TTLL8: variants seen among roughly 807,000 people sequenced by gnomAD.
TTLL8 encodes protein monoglycylase TTLL8.
A neutral mutation model predicts 77.8 loss-of-function variants in TTLL8; 65 were observed. The ratio of observed to expected loss-of-function variants is 0.84; its 90% CI spans 0.68 to 1.03. TTLL8 has a LOEUF of 1.03. Among genes scored for constraint, TTLL8 ranks in the 50% least tolerant of loss-of-function variants. The pLI, the probability that TTLL8 is intolerant of heterozygous loss-of-function variation, is 0.00. For missense variants in TTLL8, 910 were observed against 1,004.5 expected (o/e 0.91, Z 1.27); for synonymous variants, 402 against 422.8 (o/e 0.95, Z 0.60).
intron 1 of TTLL8, among the ~76,000 whole-genome samples, chr22:50,051,361 T>A (rs141076077): frequency 6.6e-6 from 1 of 152,234 alleles, no homozygotes; most frequent in Non-Finnish European, 1.5e-5. Context: ...GCAAAAGACA[T>A]TATCTGGTTC....
Position 50,030,159 on chromosome 22 carries a change from G to T in TTLL8, c.2203+271C>A, listed in dbSNP as rs985988789. ...ACCCCAGAGGTATGGGGACAAAGGC[G>T]TCACCCGCCAGGTTCTACAGAGGGG... On this transcript the variant is annotated intron_variant, in intron 12 of 13. Transcript: ENST00000266182. The T allele has an allele frequency of 4.1e-6, 4 of 985,042 alleles. No individual in the cohort carries two copies. The South Asian group carries it at 1.9e-4, about 46-fold the overall frequency. 61.0% of individuals were successfully genotyped at this position (985,042 alleles called of 1,614,324 possible).
At chr22:50,055,068 G>T, upstream of TTLL8, 1 of 855,422 alleles carries the variant, frequency 1.2e-6, no homozygotes, top group Non-Finnish European at 1.4e-6. Flanking sequence ...TCAAAAATAA[G>T]TTAAGTAAAT....
At chr22:50,042,224 G>A (rs946405206) in intron 6 of TTLL8, among the ~76,000 whole-genome samples, 2 of 152,234 alleles carry the variant, frequency 1.3e-5, no homozygotes, top group African/African-American at 4.8e-5. Context: ...CACAGACTGG[G>A]AGGAGATATT....
intron 12 of TTLL8, among the ~76,000 whole-genome samples, chr22:50,023,657 C>A (rs1312829349): frequency 1.3e-5 from 2 of 151,842 alleles, no homozygotes; most frequent in African/African-American, 2.4e-5. Context: ...TGCACTCCAG[C>A]CTGGCAACAA....
At chr22:50,050,855 C>T (rs2061440461) in intron 1 of TTLL8, among the ~76,000 whole-genome samples, 1 of 152,190 alleles carries the variant, frequency 6.6e-6, no homozygotes, top group Non-Finnish European at 1.5e-5. Context: ...CACGTGGACC[C>T]CTTAAAGTTG....
chr22:50,056,092 T>C (rs1394912496), upstream of TTLL8, among the ~76,000 whole-genome samples: 1 of 152,056 alleles, frequency 6.6e-6, no homozygotes, highest in African/African-American at 2.4e-5. This position sits in a 1 kb window ranked among gnomAD's most constrained non-coding sequence, Gnocchi z 4.1. Flanking sequence ...TCAAAGAACA[T>C]AAATAAAATA....
upstream of TTLL8, among the ~76,000 whole-genome samples, chr22:50,056,418 G>A (rs577869448): frequency 9.9e-5 from 15 of 152,276 alleles, no homozygotes; most frequent in South Asian, 2.5e-3. This position sits in a 1 kb window ranked among gnomAD's most constrained non-coding sequence, Gnocchi z 4.1. Context: ...CGGGGGCACC[G>A]GAGCTCTCGA....
At chr22:50,045,947 C>T in exon 5 of TTLL8, 2 of 1,359,666 alleles carry the variant, frequency 1.5e-6, no homozygotes, top group Non-Finnish European at 2.0e-6. Flanking sequence ...AGGGCAGGCT[C>T]CGCATGTTCA....
In TTLL8 at chr22:50,041,561, C is replaced by A; in HGVS notation, c.830+60G>T. On this transcript the variant is annotated intron_variant, in intron 7 of 13. Coordinates refer to ENST00000266182, the Ensembl canonical transcript of TTLL8. The surrounding 1 kb of genome is among the most constrained non-coding windows in gnomAD (Gnocchi z 4.3). Reference sequence around the variant, plus strand: ...GTTCCCAGAGGCTGCACTGCCCCGGCAGCTCCTGCAATCTGCACTCACAGC... The same window carrying A: ...GTTCCCAGAGGCTGCACTGCCCCGGAAGCTCCTGCAATCTGCACTCACAGC... 7.8e-7 allele frequency: 1 copy of A among 1,275,618 alleles called. No homozygotes were observed. The highest frequency in any genetic ancestry group is 1.0e-6 in the Non-Finnish European group (1 of 976,560). The allele number at this position is 1,275,618 out of a possible 1,614,324, so 79.0% of individuals were successfully genotyped here.
intron 2 of TTLL8, 99 bp from the exon 5 acceptor site, chr22:50,049,421 T>C: frequency 7.8e-7 from 1 of 1,281,256 alleles, no homozygotes; most frequent in African/African-American, 1.5e-5. Context: ...GCGACTTTAC[T>C]TCCAGAAACC....
chr22:50,018,976 G>A (rs1361185541), intron 12 of TTLL8, among the ~76,000 whole-genome samples, 185 bp from the exon 14 acceptor site: 1 of 152,226 alleles, frequency 6.6e-6, no homozygotes, highest in East Asian at 1.9e-4. Flanking sequence ...ACCACTGGCT[G>A]TGCAAGCGAT....
chr22:50,047,177 G>A lies in TTLL8; in HGVS notation c.384C>T (p.Phe128=), dbSNP rs570248774. Residue 128 remains phenylalanine, a synonymous_variant, in exon 4 of 14, where the codon TTC becomes TTT. Transcript: ENST00000266182. ...AGCGCGGCCGGCTCACCTTGGTGGT[G>A]AAGGAGGCTGTCTTTGCGTAGTGGT... 9.5e-6 allele frequency: 13 copies of A among 1,367,492 alleles called. No individual in the cohort carries two copies. In the African/African-American group the frequency reaches 1.9e-4, roughly 20 times the overall value. 84.7% of individuals were successfully genotyped at this position (1,367,492 alleles called of 1,614,324 possible). A position where few individuals can be genotyped will look rare whatever the true frequency, so the allele number is the denominator to read the frequency against.
In TTLL8 at chr22:50,034,548, G is replaced by C. The variant is rs2061322564; in HGVS notation, c.922-86C>G. 2 of 1,265,942 alleles carry C rather than the reference G, an allele frequency of 1.6e-6. No homozygotes were observed. The highest frequency in any genetic ancestry group is 2.1e-6 in the Non-Finnish European group (2 of 966,150). The allele number at this position is 1,265,942 out of a possible 1,614,324, so 78.4% of individuals were successfully genotyped here. On this transcript the variant is annotated intron_variant, in intron 8 of 13. Coordinates refer to ENST00000266182, the Ensembl canonical transcript of TTLL8. The surrounding 1 kb of genome is among the most constrained non-coding windows in gnomAD (Gnocchi z 4.1). ...GAAAGTGCATGAGACTTGGAGGCCTGGGCCCCGCCTCACCCACCAAGCAGG... is the reference window on the plus strand; with the variant it reads ...GAAAGTGCATGAGACTTGGAGGCCTCGGCCCCGCCTCACCCACCAAGCAGG...
At chr22:50,054,337 A>C (rs886936838) in intron 1 of TTLL8, among the ~76,000 whole-genome samples, 6 of 152,242 alleles carry the variant, frequency 3.9e-5, no homozygotes, top group Middle Eastern at 3.4e-3. Flanking sequence ...CTCCCCAGAC[A>C]CATATGGGGA....
chr22:50,030,464 T>A (rs754047019), exon 12 of TTLL8: 1 of 1,343,512 alleles, frequency 7.4e-7, no homozygotes, highest in East Asian at 4.9e-5. Context: ...GCGCGCCCTC[T>A]GCTGTCTTCA....
chr22:50,045,743 C>T, intron 5 of TTLL8, 113 bp downstream of exon 7: 2 of 1,226,976 alleles, frequency 1.6e-6, no homozygotes, highest in South Asian at 2.8e-5. Flanking sequence ...GAGGCCTCTC[C>T]CCGGTCCTCT....
upstream of TTLL8, chr22:50,055,103 TC>T (rs1223954554): frequency 7.8e-6 from 9 of 1,151,982 alleles, no homozygotes; most frequent in South Asian, 1.0e-4. Context: ...ATGAGCCAAG[TC>T]CCCACAGGGA....
intron 10 of TTLL8, 35 bp from the exon 12 acceptor site, chr22:50,032,144 C>G (rs763919655): frequency 1.5e-6 from 2 of 1,326,748 alleles, no homozygotes; most frequent in South Asian, 2.4e-5. Flanking sequence ...GCTCAGCCTC[C>G]CTTGGCCCAG....
At position 50,020,575 on chromosome 22, in the gene TTLL8, C is replaced by T. The variant is rs879815981; in HGVS notation, c.2204-4013G>A. Among the ~76,000 whole-genome samples, 17 of 104,898 alleles carry T rather than the reference C, an allele frequency of 1.6e-4. No individual in the cohort carries two copies. The East Asian group carries it at 2.7e-3, about 16-fold the overall frequency. 68.8% of individuals were successfully genotyped at this position (104,898 alleles called of 152,430 possible). ...TGACATGCACTCCTCCATCTGACAA[C>T]GTGCACTCCTCCATTTGACGTGAAC... On this transcript the variant is annotated intron_variant, in intron 12 of 13. Coordinates refer to ENST00000266182, the Ensembl canonical transcript of TTLL8.
Sources: gnomAD v4.1 joint callset for allele counts (sites outside exome capture counted in the v4.1 genomes callset) on GRCh38, gnomAD v4.1.1 for gene constraint, Gnocchi (gnomAD v3.1) non-coding constraint, MANE v1.5 for transcripts, NCBI Gene and HGNC (gene_info 2026-07-23, HGNC 2026-07-21) for gene names.